Variants in UGT1A6 observed in about 807,000 individuals in gnomAD.
UGT1A6 encodes UDP glucuronosyltransferase family 1 member A6.
A neutral mutation model predicts 44.4 loss-of-function variants in UGT1A6; 32 were observed. The ratio of observed to expected loss-of-function variants is 0.72; its 90% CI spans 0.54 to 0.97. UGT1A6 has a LOEUF of 0.97. Among genes scored for constraint, UGT1A6 ranks in the 50% least tolerant of loss-of-function variants. UGT1A6 has a pLI of 0.00. For missense variants in UGT1A6, 685 were observed against 661.9 expected, an observed-to-expected ratio of 1.03 and a Z score of -0.38; for synonymous variants, 238 against 248.5, an observed-to-expected ratio of 0.96 and a Z score of 0.40.
rs769310438 is a variant in UGT1A6 at position 233,760,575 on chromosome 2, G to A, written c.862-6459G>A. The A allele has an allele frequency of 1.1e-5, 18 of 1,614,108 alleles. No individual in the cohort carries two copies. Among genetic ancestry groups the A allele is most frequent in the Non-Finnish European group, 1.5e-5 (18 of 1,180,054 alleles). On this transcript the variant is annotated intron_variant, in intron 1 of 4. Transcript: ENST00000305139. ...TGAAAGAGTCTTTTGTTAGTCTCGG[G>A]CATAATGTTTTTGAGAATGATTCTT... is the stretch of plus-strand genomic sequence containing the variant.
At chr2:233,706,756 T>C (rs534591277) in intron 1 of UGT1A6, among the ~76,000 whole-genome samples, 3 of 152,306 alleles carry the variant, frequency 2.0e-5, no homozygotes, top group African/African-American at 4.8e-5. Context: ...CAGAGTGCCG[T>C]ACACTGGTAT....
rs187355953 is a variant in UGT1A6 at position 233,736,029 on chromosome 2, T to A, written c.862-31005T>A. 5.3e-3 allele frequency among the ~76,000 whole-genome samples: 815 copies of A among 152,350 alleles called. 8 individuals are homozygous for A. The highest frequency in any genetic ancestry group is 0.019 in the African/African-American group (776 of 41,576). On this transcript the variant is annotated intron_variant, in intron 1 of 4. Transcript: ENST00000305139. ...CGAGGAGTATCTTTGTGGTGTTCTC[T>A]GTATTTCCTGAATTTGAATGTTGGC... is the stretch of plus-strand genomic sequence containing the variant.
chr2:233,704,333 TTTAAAAAG>T (rs2075781731), intron 1 of UGT1A6, among the ~76,000 whole-genome samples: 1 of 150,642 alleles, frequency 6.6e-6, no homozygotes, highest in Non-Finnish European at 1.5e-5. Flanking sequence ...CTTTCCACTA[TTTAAAAAG>T]TTGTGTTCTG....
At chr2:233,713,260 A>G (rs2076298929) in intron 1 of UGT1A6, 4 of 1,614,086 alleles carry the variant, frequency 2.5e-6, no homozygotes, top group Non-Finnish European at 2.5e-6. Flanking sequence ...GACGAATTTG[A>G]TCGCCTTTTG....
intron 1 of UGT1A6, among the ~76,000 whole-genome samples, chr2:233,739,654 C>A (rs1048629610): frequency 2.0e-5 from 3 of 152,310 alleles, no homozygotes; most frequent in East Asian, 1.9e-4. Context: ...AATTTCTGTA[C>A]CCCCATTGTG....
intron 1 of UGT1A6, among the ~76,000 whole-genome samples, chr2:233,744,268 G>C (rs975143580): frequency 2.0e-5 from 3 of 151,806 alleles, no homozygotes; most frequent in African/African-American, 7.3e-5. Context: ...TTTTCTTAAA[G>C]TAGGCTTTAT....
intron 1 of UGT1A6, among the ~76,000 whole-genome samples, chr2:233,758,729 C>T (rs1001839617): frequency 6.6e-6 from 1 of 152,208 alleles, no homozygotes; most frequent in African/African-American, 2.4e-5. Context: ...CCTCTAAGCA[C>T]ATCCCCAAGT....
chr2:233,714,781 C>T (rs2076411817), intron 1 of UGT1A6, among the ~76,000 whole-genome samples: 1 of 152,136 alleles, frequency 6.6e-6, no homozygotes, highest in Non-Finnish European at 1.5e-5. Flanking sequence ...TTTGGAATAG[C>T]CACATTTCAA....
In UGT1A6 at chr2:233,761,134, C is replaced by T. The variant is rs1160983011; in HGVS notation, c.862-5900C>T. ...TGTTGGTGGAATCAACTGCCTTCAC[C>T]AAAATCCACTATCCCAGGTGTGTAT... On this transcript the variant is annotated intron_variant, in intron 1 of 4. Coordinates refer to ENST00000305139, the MANE Select transcript of UGT1A6 (RefSeq NM_001072.4). 3.7e-6 allele frequency: 6 copies of T among 1,614,160 alleles called. No homozygotes were observed. Among genetic ancestry groups the T allele is most frequent in the Non-Finnish European group, 5.1e-6 (6 of 1,180,024 alleles).
intron 1 of UGT1A6, among the ~76,000 whole-genome samples, chr2:233,737,754 T>C (rs1342701991): frequency 6.6e-6 from 1 of 152,182 alleles, no homozygotes; most frequent in Non-Finnish European, 1.5e-5. Context: ...AGTTTTTCAA[T>C]GTGAACATAT....
At chr2:233,701,840 A>G (rs1343611147) in intron 1 of UGT1A6, among the ~76,000 whole-genome samples, 2 of 152,200 alleles carry the variant, frequency 1.3e-5, no homozygotes, top group African/African-American at 4.8e-5. Context: ...GACACATTCA[A>G]AGCAGTGTGT....
At chr2:233,758,423 G>A (rs1305067521) in intron 1 of UGT1A6, among the ~76,000 whole-genome samples, 1 of 152,182 alleles carries the variant, frequency 6.6e-6, no homozygotes, top group Non-Finnish European at 1.5e-5. Flanking sequence ...ATCTGCAAAT[G>A]AACTCACACA....
intron 4 of UGT1A6, chr2:233,770,959 T>C (rs1275512956): frequency 1.3e-5 from 2 of 152,178 alleles, no homozygotes; most frequent in East Asian, 3.9e-4. Context: ...AGGGAGCTTT[T>C]ACTCATGGCA....
chr2:233,738,711 A>G (rs1264212613), intron 1 of UGT1A6, among the ~76,000 whole-genome samples: 1 of 152,268 alleles, frequency 6.6e-6, no homozygotes, highest in Non-Finnish European at 1.5e-5. Context: ...GAAGCAGAGC[A>G]TAAAAGTTTG....
In UGT1A6 at chr2:233,740,213, C is replaced by G. The variant is rs984335401; in HGVS notation, c.862-26821C>G. On this transcript the variant is annotated intron_variant, in intron 1 of 4. Coordinates refer to ENST00000305139, the MANE Select transcript of UGT1A6 (RefSeq NM_001072.4). Reference sequence around the variant, plus strand: ...CTTTCTTTTATAAATTACCCAGTCTCAGCTGCGTCTTTATAGCAGGCTGAG... The same window carrying G: ...CTTTCTTTTATAAATTACCCAGTCTGAGCTGCGTCTTTATAGCAGGCTGAG... Among the ~76,000 whole-genome samples the G allele has an allele frequency of 9.6e-4, 146 of 151,922 alleles. 3 individuals are homozygous for G. Among genetic ancestry groups the G allele is most frequent in the African/African-American group, 3.4e-3 (142 of 41,200 alleles).
At chr2:233,757,535 A>AATATATATACATATACATACATAT (rs376887521) in intron 1 of UGT1A6, among the ~76,000 whole-genome samples, 1 of 88,310 alleles carries the variant, frequency 1.1e-5, no homozygotes, top group South Asian at 5.2e-4. Flanking sequence ...GCCTGTAAGG[A>AATATATATACATATACATACATAT]ATATATATAT....
chr2:233,722,529 T>C lies in UGT1A6; in HGVS notation c.861+28664T>C, dbSNP rs1318549990. ...TAATTGCAGCTTATTTTTGCCTTAA[T>C]GATTTCATCCTAGTTTCTTTTGGTT... On this transcript the variant is annotated intron_variant, in intron 1 of 4. Transcript: ENST00000305139. 2.0e-5 allele frequency among the ~76,000 whole-genome samples: 3 copies of C among 152,366 alleles called. No individual in the cohort carries two copies. In the East Asian group the frequency reaches 5.8e-4, roughly 29 times the overall value.
chr2:233,751,468 G>T (rs1694737007), intron 1 of UGT1A6, among the ~76,000 whole-genome samples: 1 of 152,190 alleles, frequency 6.6e-6, no homozygotes, highest in African/African-American at 2.4e-5. Flanking sequence ...AGGCACGATT[G>T]GTTTTGAAAT....
In UGT1A6 at chr2:233,754,904, A is replaced by C. The variant is rs113535606; in HGVS notation, c.862-12130A>C. On this transcript the variant is annotated intron_variant, in intron 1 of 4. Coordinates refer to ENST00000305139, the MANE Select transcript of UGT1A6 (RefSeq NM_001072.4). ...CCAGGGAGTTCCTCTGACCCCCCAA[A>C]ATATTCTCCAGCGGGTTTCCCAAGA... 1.2e-5 allele frequency: 16 copies of C among 1,351,372 alleles called. No homozygotes were observed. In the African/African-American group the frequency reaches 1.3e-4, roughly 11 times the overall value. The allele number at this position is 1,351,372 out of a possible 1,614,324, so 83.7% of individuals were successfully genotyped here. A position where few individuals can be genotyped will look rare whatever the true frequency, so the allele number is the denominator to read the frequency against.
Sources: allele counts gnomAD v4.1 joint callset (sites outside exome capture counted in the v4.1 genomes callset), GRCh38; gene constraint gnomAD v4.1.1; transcripts MANE v1.5; gene names NCBI Gene and HGNC (gene_info 2026-07-23, HGNC 2026-07-21).